Variants in ARHGAP22 observed in about 807,000 individuals in gnomAD.
ARHGAP22 encodes rho GTPase-activating protein 22.
Under a neutral mutation model 59.1 loss-of-function variants are expected in ARHGAP22, and 48 were observed. The ratio of observed to expected loss-of-function variants is 0.81; its 90% CI spans 0.64 to 1.03. The LOEUF is 1.03. ARHGAP22 is among the 50% of genes least tolerant of loss of function. ARHGAP22 has a pLI of 0.00. For synonymous variants in ARHGAP22, 445 were observed against 416.4 expected (o/e 1.07, Z -0.84); for missense variants, 1,015 against 958.7 (o/e 1.06, Z -0.78).
chr10:48,583,985 T>A (rs1564934782), intron 1 of ARHGAP22, among the ~76,000 whole-genome samples: 1 of 151,642 alleles, frequency 6.6e-6, no homozygotes, highest in Non-Finnish European at 1.5e-5. Context: ...TTGTCCCCTC[T>A]GCCCCTACTC....
chr10:48,443,346 A>C (rs2045247140), downstream of ARHGAP22, among the ~76,000 whole-genome samples: 1 of 152,162 alleles, frequency 6.6e-6, no homozygotes, highest in South Asian at 2.1e-4. Flanking sequence ...ACCTCTCACC[A>C]TGGGCGATAG....
intron 1 of ARHGAP22, among the ~76,000 whole-genome samples, chr10:48,592,524 C>T (rs1319293587): frequency 5.9e-5 from 9 of 152,146 alleles, no homozygotes; most frequent in South Asian, 2.1e-4. Context: ...TATACTCCCC[C>T]GCTTCTCCCC....
intron 2 of ARHGAP22, 178 bp downstream of exon 2, chr10:48,582,775 C>G: frequency 1.5e-6 from 1 of 666,526 alleles, no homozygotes; most frequent in South Asian, 2.0e-5. Flanking sequence ...TCCAGTAAAA[C>G]AGGCTGTGAT....
At chr10:48,485,282 T>G (rs568504977) in intron 3 of ARHGAP22, among the ~76,000 whole-genome samples, 1 of 152,326 alleles carries the variant, frequency 6.6e-6, no homozygotes, top group East Asian at 1.9e-4. Flanking sequence ...TAGAGGCAGC[T>G]CCCAGATTTC....
chr10:48,476,440 C>T (rs2048748166), intron 4 of ARHGAP22, among the ~76,000 whole-genome samples: 1 of 152,162 alleles, frequency 6.6e-6, no homozygotes, highest in Admixed American at 6.5e-5. Context: ...GGCTCTGTTA[C>T]AAAACAGTCA....
At chr10:48,567,229 C>G (rs749165024) in intron 2 of ARHGAP22, among the ~76,000 whole-genome samples, 1 of 152,202 alleles carries the variant, frequency 6.6e-6, no homozygotes, top group Non-Finnish European at 1.5e-5. Flanking sequence ...TGCAGAAGAC[C>G]CTGTGGTTGA....
At chr10:48,562,155 G>A (rs867935890) in intron 2 of ARHGAP22, among the ~76,000 whole-genome samples, 2 of 151,866 alleles carry the variant, frequency 1.3e-5, no homozygotes, top group South Asian at 2.1e-4. Flanking sequence ...GAACCCGGGA[G>A]GCAGAGGTTG....
At chr10:48,544,093 G>C (rs780790310) in intron 3 of ARHGAP22, among the ~76,000 whole-genome samples, 1 of 151,926 alleles carries the variant, frequency 6.6e-6, no homozygotes, top group East Asian at 1.9e-4. Flanking sequence ...ACTGCACTCC[G>C]GCCTGGGTGA....
chr10:48,486,361 A>G (rs2049859134), intron 3 of ARHGAP22, among the ~76,000 whole-genome samples: 1 of 151,700 alleles, frequency 6.6e-6, no homozygotes, highest in Non-Finnish European at 1.5e-5. Context: ...ATTTTGAGAC[A>G]GGGTCTTGCT....
chr10:48,526,296 G>C (rs979742832), intron 3 of ARHGAP22, among the ~76,000 whole-genome samples: 1 of 152,212 alleles, frequency 6.6e-6, no homozygotes, highest in Admixed American at 6.5e-5. Flanking sequence ...ATTCAAAGGA[G>C]AGATTAACAA....
intron 1 of ARHGAP22, among the ~76,000 whole-genome samples, chr10:48,650,795 G>A (rs2062528077): frequency 6.6e-6 from 1 of 152,146 alleles, no homozygotes; most frequent in African/African-American, 2.4e-5. Flanking sequence ...AATAATACCT[G>A]GAGATATTAG....
At position 48,644,508 on chromosome 10, in the gene ARHGAP22, C is replaced by T. The variant is rs117138919; in HGVS notation, c.52+7726G>A. ...TATTTTCAAGTACATTTAGAATATT[C>T]TCTAGGAGAGACCTATGGTAGGCCA... On this transcript the variant is annotated intron_variant, in intron 1 of 9. Coordinates refer to the ARHGAP22 transcript ENST00000435790. Among the ~76,000 whole-genome samples, 621 of 152,288 alleles carry T rather than the reference C, an allele frequency of 4.1e-3. 13 individuals carry two copies. Among genetic ancestry groups the T allele is most frequent in the Admixed American group, 0.036 (545 of 15,300 alleles).
At chr10:48,640,918 A>T (rs1309002648) in intron 1 of ARHGAP22, among the ~76,000 whole-genome samples, 1 of 152,192 alleles carries the variant, frequency 6.6e-6, no homozygotes, top group South Asian at 2.1e-4. Flanking sequence ...CTTATCATGT[A>T]TAAATAAGGA....
intron 1 of ARHGAP22, among the ~76,000 whole-genome samples, chr10:48,632,885 G>A (rs1216652429): frequency 6.6e-6 from 1 of 152,204 alleles, no homozygotes; most frequent in Non-Finnish European, 1.5e-5. Context: ...CTTTTCACAT[G>A]TCAAAGATGA....
chr10:48,432,267 C>G, the ARHGAP22 span, among the ~76,000 whole-genome samples: 2 of 152,108 alleles, frequency 1.3e-5, no homozygotes, highest in Admixed American at 1.3e-4. Context: ...TATCTAGCAT[C>G]TTGTATATGG....
chr10:48,472,827 C>A (rs76445680), intron 4 of ARHGAP22, among the ~76,000 whole-genome samples: 1,873 of 144,790 alleles, frequency 0.013, 42 homozygotes, highest in South Asian at 0.059. Context: ...AAAAAAAAAA[C>A]CAAAAAAAAC....
At chr10:48,436,296 C>T in the ARHGAP22 span, 1 of 152,150 alleles carries the variant, frequency 6.6e-6, no homozygotes, top group Non-Finnish European at 1.5e-5. Flanking sequence ...ACATAACACG[C>T]AATGTGGATG....
At chr10:48,542,483 G>A (rs1430615286) in intron 3 of ARHGAP22, among the ~76,000 whole-genome samples, 1 of 152,246 alleles carries the variant, frequency 6.6e-6, no homozygotes, top group Non-Finnish European at 1.5e-5. Flanking sequence ...CCCTTCTGCA[G>A]TCCTGCCTCC....
intron 1 of ARHGAP22, among the ~76,000 whole-genome samples, chr10:48,613,395 C>G (rs1450677565): frequency 6.6e-6 from 1 of 151,950 alleles, no homozygotes; most frequent in Non-Finnish European, 1.5e-5. Context: ...TTTGAAGAAC[C>G]CTTGGTTTGA....
Sources: gnomAD v4.1 joint callset for allele counts (sites outside exome capture counted in the v4.1 genomes callset) on GRCh38, gnomAD v4.1.1 for gene constraint, MANE v1.5 for transcripts, NCBI Gene and HGNC (gene_info 2026-07-23, HGNC 2026-07-21) for gene names.